The following NDUFV2 variants were observed in gnomAD, a reference collection of about 807,000 sequenced individuals.
NDUFV2 encodes NADH dehydrogenase [ubiquinone] flavoprotein 2, mitochondrial.
In NDUFV2, 18 loss-of-function variants were observed where a neutral mutation model predicts 31.6. The observed-to-expected ratio is 0.57, with a 90% CI of 0.39 to 0.84. The LOEUF (loss-of-function observed/expected upper bound fraction) is 0.84. Among genes scored for constraint, NDUFV2 ranks in the 40% least tolerant of loss-of-function variants. NDUFV2 has a pLI of 0.00. For synonymous variants in NDUFV2, 83 were observed against 99.8 expected (o/e 0.83, Z 1.01); for missense variants, 314 against 303.6 (o/e 1.03, Z -0.26).
intron 5 of NDUFV2, among the ~76,000 whole-genome samples, chr18:9,122,950 T>G (rs2077951969): frequency 6.6e-6 from 1 of 152,222 alleles, no homozygotes; most frequent in African/African-American, 2.4e-5. Flanking sequence ...ATTCGTTGTT[T>G]AGAAGATTGT....
chr18:9,107,371 ACAGT>A (rs1179373956), intron 1 of NDUFV2, among the ~76,000 whole-genome samples: 9 of 152,342 alleles, frequency 5.9e-5, no homozygotes, highest in East Asian at 1.9e-4. Context: ...CTATTGAGTG[ACAGT>A]CAGTCTGATT....
At chr18:9,130,232 T>C (rs1235425921) in intron 7 of NDUFV2, among the ~76,000 whole-genome samples, 1 of 152,200 alleles carries the variant, frequency 6.6e-6, no homozygotes, top group Non-Finnish European at 1.5e-5. Flanking sequence ...AAATCTGTTA[T>C]TTGTAATATG....
intron 1 of NDUFV2, chr18:9,104,356 A>G: frequency 6.7e-7 from 1 of 1,481,706 alleles, no homozygotes; most frequent in Admixed American, 2.1e-5. Context: ...TAGAGGAATA[A>G]GATGTGGTTT....
chr18:9,105,781 A>T (rs1418879123), intron 1 of NDUFV2, among the ~76,000 whole-genome samples: 1 of 152,218 alleles, frequency 6.6e-6, no homozygotes, highest in African/African-American at 2.4e-5. Flanking sequence ...AAGACAGGCA[A>T]TTGTAAGTCA....
chr18:9,117,911 ATTAC>A lies in NDUFV2; in HGVS notation c.120+12_120+15del, dbSNP rs2077907346. 1.3e-6 allele frequency: 2 copies of A among 1,565,474 alleles called. No homozygotes were observed. The highest frequency in any genetic ancestry group is 1.8e-6 in the Non-Finnish European group (2 of 1,135,924). On this transcript the variant is annotated intron_variant, in intron 2 of 7. Transcript: ENST00000318388. ...GGAGGAGCTTTATTTGTGGTAAGTA[ATTAC>A]TTAGATTTCTTTGGAAAGAAAAGAC...
intron 5 of NDUFV2, among the ~76,000 whole-genome samples, chr18:9,123,960 C>T (rs1052828280): frequency 2.0e-5 from 3 of 152,226 alleles, no homozygotes; most frequent in Non-Finnish European, 4.4e-5. Context: ...ATTTTCTTCA[C>T]ATCCCTTGAT....
intron 1 of NDUFV2, among the ~76,000 whole-genome samples, chr18:9,108,837 C>T (rs1331421193): frequency 1.3e-5 from 2 of 151,840 alleles, no homozygotes; most frequent in Non-Finnish European, 2.9e-5. Flanking sequence ...ATTAAAGGTG[C>T]GTGCCACCAC....
intron 1 of NDUFV2, among the ~76,000 whole-genome samples, chr18:9,108,718 T>C (rs2077854361): frequency 7.0e-6 from 1 of 143,172 alleles, no homozygotes; most frequent in Non-Finnish European, 1.5e-5. Context: ...TGAGACAGAG[T>C]CTTACTCTGT....
In NDUFV2 at chr18:9,102,710, G is replaced by A; in HGVS notation, c.-34G>A. On this transcript the variant is annotated 5_prime_UTR_variant, in exon 1 of 8. Transcript: ENST00000318388. ...TGGGCGCGCTCGGGATTCTCGCCTGGCGCGGCTGGGGAAGGTGAACAGTGT... is the reference window on the plus strand; with the variant it reads ...TGGGCGCGCTCGGGATTCTCGCCTGACGCGGCTGGGGAAGGTGAACAGTGT... 1.3e-6 allele frequency: 2 copies of A among 1,570,190 alleles called. No homozygotes were observed. Among genetic ancestry groups the A allele is most frequent in the Middle Eastern group, 2.0e-4 (1 of 4,888 alleles).
intron 7 of NDUFV2, chr18:9,132,094 T>G (rs552512003): frequency 6.2e-4 from 94 of 152,348 alleles, no homozygotes; most frequent in African/African-American, 2.1e-3. Flanking sequence ...GACTCCCGTT[T>G]TTCTATACAA....
chr18:9,119,536 C>T lies in NDUFV2; in HGVS notation c.246C>T (p.Val82=). The T allele has an allele frequency of 6.2e-7, 1 of 1,613,858 alleles. No individual in the cohort carries two copies. Among genetic ancestry groups the T allele is most frequent in the East Asian group, 2.2e-5 (1 of 44,856 alleles). ...EGHKAAAVLP[V]LDLAQRQNGW... is the part of the protein sequence containing the mutation. ...ATAAAGCAGCAGCTGTTCTTCCAGT[C>T]CTGGATTTAGCCCAAAGGCAGAATG... is the stretch of plus-strand genomic sequence containing the variant. The change falls in exon 4 of 8, where the codon GTC becomes GTT. Residue 82 remains valine, a synonymous_variant. Transcript: ENST00000318388.
At chr18:9,106,859 T>A (rs567397347) in intron 1 of NDUFV2, among the ~76,000 whole-genome samples, 2 of 152,212 alleles carry the variant, frequency 1.3e-5, no homozygotes, top group East Asian at 3.9e-4. Flanking sequence ...CCTTCTTTCA[T>A]CTCCAAAGCC....
chr18:9,130,648 ATATAGT>A (rs144062078), intron 7 of NDUFV2, among the ~76,000 whole-genome samples: 1,594 of 152,300 alleles, frequency 0.01, 30 homozygotes, highest in African/African-American at 0.037. Flanking sequence ...AATAACCATA[ATATAGT>A]TATAGTTATT....
chr18:9,127,951 A>G (rs902970049), intron 7 of NDUFV2, among the ~76,000 whole-genome samples: 1 of 152,306 alleles, frequency 6.6e-6, no homozygotes, highest in Admixed American at 6.5e-5. Flanking sequence ...CTATTTATCC[A>G]GGTTGCTCCC....
At chr18:9,110,078 C>CT (rs747146753) in intron 1 of NDUFV2, among the ~76,000 whole-genome samples, 10 of 151,678 alleles carry the variant, frequency 6.6e-5, no homozygotes, top group Non-Finnish European at 1.5e-4. Flanking sequence ...ATTTCAGAGT[C>CT]TAATGAGAAG....
intron 7 of NDUFV2, 114 bp from the exon 8 acceptor site, chr18:9,134,072 G>C (rs767223256): frequency 4.1e-6 from 3 of 723,148 alleles, no homozygotes; most frequent in Non-Finnish European, 7.3e-6. Context: ...ATCTATGCTA[G>C]TTCTTAGGGT....
At chr18:9,122,319 G>A (rs901852947) in intron 4 of NDUFV2, among the ~76,000 whole-genome samples, 194 bp from the exon 5 acceptor site, 1 of 152,160 alleles carries the variant, frequency 6.6e-6, no homozygotes, top group African/African-American at 2.4e-5. Context: ...TGGTTTAAGT[G>A]TAAGTACATT....
rs185198339 is a variant in NDUFV2 at position 9,114,542 on chromosome 18, A to T, written c.55-3296A>T. Among the ~76,000 whole-genome samples, 282 of 151,380 alleles carry T rather than the reference A, an allele frequency of 1.9e-3. 2 individuals carry two copies. The highest frequency in any genetic ancestry group is 6.4e-3 in the African/African-American group (265 of 41,260). On this transcript the variant is annotated intron_variant, in intron 1 of 7. Coordinates refer to ENST00000318388, the MANE Select transcript of NDUFV2 (RefSeq NM_021074.5). ...CAGGTTATATAGTACTTTCAGAGAAACTTTACTTAAATCTCAAAATAGTCC... is the reference window on the plus strand; with the variant it reads ...CAGGTTATATAGTACTTTCAGAGAATCTTTACTTAAATCTCAAAATAGTCC...
At chr18:9,121,779 G>T (rs571522380) in intron 4 of NDUFV2, among the ~76,000 whole-genome samples, 18 of 152,274 alleles carry the variant, frequency 1.2e-4, no homozygotes, top group African/African-American at 4.3e-4. Context: ...CTGAGTTAGT[G>T]ATCCCCTTAG....
Sources: gnomAD v4.1 joint callset for allele counts (sites outside exome capture counted in the v4.1 genomes callset) on GRCh38, gnomAD v4.1.1 for gene constraint, MANE v1.5 for transcripts, NCBI Gene and HGNC (gene_info 2026-07-23, HGNC 2026-07-21) for gene names.